Variants in RFX7 observed in about 807,000 individuals in gnomAD.
RFX7 encodes the protein regulatory factor X7.
RFX7 carries 26 observed loss-of-function variants against 111.8 expected under a neutral mutation model. The observed-to-expected ratio is 0.23, with a 90% CI of 0.17 to 0.32. RFX7 has a LOEUF of 0.32. Ranked by LOEUF, RFX7 falls within the 10% of genes least tolerant of loss-of-function variation. RFX7 has a pLI of 1.00. For missense variants in RFX7, 1,573 were observed against 1,772.9 expected, an observed-to-expected ratio of 0.89 and a Z score of 2.02; for synonymous variants, 624 against 624.4, an observed-to-expected ratio of 1.00 and a Z score of 0.01.
In RFX7 at chr15:56,243,480, T is replaced by A. The variant is rs2043741902; in HGVS notation, c.-38A>T. The A allele has an allele frequency of 1.0e-6, 1 of 984,232 alleles. No individual in the cohort carries two copies. The highest frequency in any genetic ancestry group is 1.8e-5 in the African/African-American group (1 of 56,994). 61.0% of individuals were successfully genotyped at this position (984,232 alleles called of 1,614,324 possible). A position where few individuals can be genotyped will look rare whatever the true frequency, so the allele number is the denominator to read the frequency against. On this transcript the variant is annotated 5_prime_UTR_variant, in exon 1 of 10. Coordinates refer to ENST00000559447, the MANE Select transcript of RFX7 (RefSeq NM_022841.7). ...GAGTGAGTCGCTTTCGCCTGCCGCC[T>A]GGGGAACATCACCGGGGAGACCAGC... is the stretch of plus-strand genomic sequence containing the variant.
chr15:56,124,723 G>T (rs1319809037), intron 5 of RFX7, among the ~76,000 whole-genome samples: 1 of 152,168 alleles, frequency 6.6e-6, no homozygotes, highest in Admixed American at 6.5e-5. Flanking sequence ...CGGCTTAAAT[G>T]TCTGAGTTCC....
chr15:56,201,797 G>A (rs1323287734), intron 2 of RFX7, among the ~76,000 whole-genome samples: 6 of 152,070 alleles, frequency 3.9e-5, no homozygotes, highest in Non-Finnish European at 8.8e-5. Flanking sequence ...TTGGGAGGCC[G>A]AGATGGGCAG....
intron 5 of RFX7, among the ~76,000 whole-genome samples, chr15:56,132,337 C>A (rs563716240): frequency 1.8e-4 from 28 of 151,750 alleles, no homozygotes; most frequent in Non-Finnish European, 3.7e-4. Flanking sequence ...CATTTAATAG[C>A]TAAAATATCT....
At chr15:56,128,161 T>C (rs2042169179) in intron 5 of RFX7, among the ~76,000 whole-genome samples, 1 of 152,190 alleles carries the variant, frequency 6.6e-6, no homozygotes, top group Non-Finnish European at 1.5e-5. Context: ...CAGACCAAGA[T>C]GGTTTAGCTG....
chr15:56,152,350 A>G (rs1200181596), intron 3 of RFX7, among the ~76,000 whole-genome samples: 1 of 152,100 alleles, frequency 6.6e-6, no homozygotes, highest in Non-Finnish European at 1.5e-5. Context: ...CATAACATAT[A>G]GTCTCCCAGA....
chr15:56,209,614 TAC>T (rs1465571825), intron 2 of RFX7, among the ~76,000 whole-genome samples: 2 of 152,086 alleles, frequency 1.3e-5, no homozygotes, highest in Non-Finnish European at 2.9e-5. Flanking sequence ...TATGCTCTTA[TAC>T]AGACACATAT....
chr15:56,165,908 C>T (rs1449873959), intron 3 of RFX7, among the ~76,000 whole-genome samples: 1 of 152,064 alleles, frequency 6.6e-6, no homozygotes, highest in African/African-American at 2.4e-5. Flanking sequence ...TTGATCTCTG[C>T]AGCCAGGTGA....
At position 56,179,296 on chromosome 15, in the gene RFX7, C is replaced by T. The variant is rs766867205; in HGVS notation, c.169G>A (p.Val57Ile). 3.1e-6 allele frequency: 4 copies of T among 1,286,736 alleles called. No individual in the cohort carries two copies. The highest frequency in any genetic ancestry group is 4.1e-6 in the Non-Finnish European group (4 of 972,110). 79.7% of individuals were successfully genotyped at this position (1,286,736 alleles called of 1,614,324 possible). The change falls in exon 3 of 10, where the codon GTA becomes ATA. Residue 57 changes from valine (V) to isoleucine (I), a missense_variant. Val to Ile is a conservative substitution (Grantham distance 29). This residue lies in a region of RFX7 where 191 missense variants were observed against 194.2 expected (regional missense o/e 0.98). Coordinates refer to ENST00000559447, the MANE Select transcript of RFX7 (RefSeq NM_022841.7). ...AAAATGCAGTCCACTTTAGATTGTACAGTTTTGCTAAAAGAAAGAGAAAGT... is the reference window on the plus strand; with the variant it reads ...AAAATGCAGTCCACTTTAGATTGTATAGTTTTGCTAAAAGAAAGAGAAAGT... ...HKIKNSICKTVQSKVDCILQE... is the reference protein window; with the variant it reads ...HKIKNSICKTIQSKVDCILQE...
chr15:56,169,528 A>C (rs2042819012), intron 3 of RFX7, among the ~76,000 whole-genome samples: 1 of 152,142 alleles, frequency 6.6e-6, no homozygotes, highest in Non-Finnish European at 1.5e-5. Flanking sequence ...TATCTCATTT[A>C]ATATATATGA....
At chr15:56,156,716 G>T (rs992486863) in intron 3 of RFX7, among the ~76,000 whole-genome samples, 38 of 152,286 alleles carry the variant, frequency 2.5e-4, no homozygotes, top group African/African-American at 8.9e-4. Flanking sequence ...TATTTCTCCA[G>T]ATTCTTGTTA....
At position 56,179,288 on chromosome 15, in the gene RFX7, A is replaced by G. The variant is rs371531272; in HGVS notation, c.177T>C (p.Ser59=). The G allele has an allele frequency of 4.6e-5, 59 of 1,294,118 alleles. No homozygotes were observed. Among genetic ancestry groups the G allele is most frequent in the Non-Finnish European group, 5.8e-5 (57 of 976,732 alleles). The allele number at this position is 1,294,118 out of a possible 1,614,324, so 80.2% of individuals were successfully genotyped here. A position where few individuals can be genotyped will look rare whatever the true frequency, so the allele number is the denominator to read the frequency against. ...IKNSICKTVQ[S]KVDCILQEVE... is the part of the protein sequence containing the mutation. ...CACTTACCAAAATGCAGTCCACTTT[A>G]GATTGTACAGTTTTGCTAAAAGAAA... Residue 59 remains serine, a synonymous_variant, in exon 3 of 10, where the codon TCT becomes TCC. Transcript: ENST00000559447.
intron 9 of RFX7, among the ~76,000 whole-genome samples, chr15:56,097,042 T>C (rs1014541419): frequency 1.6e-4 from 24 of 152,230 alleles, no homozygotes; most frequent in African/African-American, 4.8e-4. Flanking sequence ...CTTAAATGTC[T>C]GTAACTAAAC....
Position 56,093,270 on chromosome 15 carries a change from G to A in RFX7, c.*75C>T, listed in dbSNP as rs755146212. 18 of 1,242,408 alleles carry A rather than the reference G, an allele frequency of 1.4e-5. No homozygotes were observed. Among genetic ancestry groups the A allele is most frequent in the East Asian group, 2.4e-5 (1 of 41,176 alleles). The allele number at this position is 1,242,408 out of a possible 1,614,324, so 77.0% of individuals were successfully genotyped here. A position where few individuals can be genotyped will look rare whatever the true frequency, so the allele number is the denominator to read the frequency against. Reference sequence around the variant, plus strand: ...TCACAATTAATAGTATTTCTGCTGCGGGAGGCACTTCCATTAAGACAAATA... The same window carrying A: ...TCACAATTAATAGTATTTCTGCTGCAGGAGGCACTTCCATTAAGACAAATA... On this transcript the variant is annotated 3_prime_UTR_variant, in exon 10 of 10. Coordinates refer to ENST00000559447, the MANE Select transcript of RFX7 (RefSeq NM_022841.7).
At chr15:56,103,695 T>C in intron 5 of RFX7, 25 bp from the exon 6 acceptor site, 1 of 1,377,220 alleles carries the variant, frequency 7.3e-7, no homozygotes, top group Non-Finnish European at 1.0e-6. Context: ...AGGACCAATT[T>C]AGAGTGACAG....
intron 3 of RFX7, among the ~76,000 whole-genome samples, chr15:56,155,211 A>C (rs1421020047): frequency 1.3e-5 from 2 of 152,230 alleles, no homozygotes; most frequent in African/African-American, 4.8e-5. Flanking sequence ...TGCGGAAGAC[A>C]GTATGGCAAT....
At chr15:56,208,210 C>T (rs2043275014) in intron 2 of RFX7, among the ~76,000 whole-genome samples, 1 of 152,154 alleles carries the variant, frequency 6.6e-6, no homozygotes, top group Admixed American at 6.5e-5. Context: ...AATAACGCTA[C>T]CCTCAGGAGA....
At chr15:56,119,270 T>C (rs1002946340) in intron 5 of RFX7, among the ~76,000 whole-genome samples, 1 of 152,210 alleles carries the variant, frequency 6.6e-6, no homozygotes, top group Non-Finnish European at 1.5e-5. Flanking sequence ...CACAGTGCAA[T>C]GTCCTGGAGT....
chr15:56,243,361 G>A, intron 1 of RFX7, 74 bp from the exon 2 acceptor site: 1 of 845,784 alleles, frequency 1.2e-6, no homozygotes, highest in Non-Finnish European at 1.5e-6. Context: ...CGGGAGGGGA[G>A]GACGAAGGGG....
chr15:56,152,550 G>A (rs1220071642), intron 3 of RFX7, among the ~76,000 whole-genome samples: 2 of 152,150 alleles, frequency 1.3e-5, no homozygotes, highest in Non-Finnish European at 2.9e-5. Flanking sequence ...CACATTTAAA[G>A]CAGTGTTTAG....
Sources: gnomAD v4.1 joint callset for allele counts (sites outside exome capture counted in the v4.1 genomes callset) on GRCh38, gnomAD v4.1.1 for gene constraint, gnomAD v4.1.1 regional missense constraint, MANE v1.5 for transcripts, NCBI Gene and HGNC (gene_info 2026-07-23, HGNC 2026-07-21) for gene names.